The following LTBP1 variants were observed in gnomAD, a reference collection of about 807,000 sequenced individuals.
LTBP1 encodes latent-transforming growth factor beta-binding protein 1.
Under a neutral mutation model 207.6 loss-of-function variants are expected in LTBP1, and 129 were observed. The observed-to-expected ratio is 0.62, with a 90% CI of 0.54 to 0.72. The LOEUF (loss-of-function observed/expected upper bound fraction) is 0.72, where lower values mean the gene tolerates loss of function less well. Among genes scored for constraint, LTBP1 ranks in the 30% least tolerant of loss-of-function variants. LTBP1 has a pLI of 0.00. For missense variants in LTBP1, 2,281 were observed against 2,217.2 expected (o/e 1.03, Z -0.58); for synonymous variants, 963 against 833.7 (o/e 1.16, Z -2.67).
intron 3 of LTBP1, among the ~76,000 whole-genome samples, chr2:33,065,013 A>G (rs995433707): frequency 1.3e-4 from 20 of 152,222 alleles, no homozygotes; most frequent in Admixed American, 2.6e-4. Flanking sequence ...TATTTTACCA[A>G]TCAGTATAAT....
chr2:33,154,618 T>C (rs1346857339), intron 5 of LTBP1, among the ~76,000 whole-genome samples: 1 of 152,230 alleles, frequency 6.6e-6, no homozygotes, highest in Non-Finnish European at 1.5e-5. Context: ...ACCTTTCTAC[T>C]TTTGCTGTTA....
intron 7 of LTBP1, among the ~76,000 whole-genome samples, chr2:33,216,385 G>A (rs926686609): frequency 1.3e-5 from 2 of 152,268 alleles, no homozygotes; most frequent in Middle Eastern, 3.4e-3. Context: ...TTGGAAGGAC[G>A]TGATTTGTTC....
At chr2:33,103,667 T>G (rs1270641001) in intron 3 of LTBP1, among the ~76,000 whole-genome samples, 10 of 151,486 alleles carry the variant, frequency 6.6e-5, no homozygotes, top group Non-Finnish European at 1.5e-4. Flanking sequence ...AATGGTTTGC[T>G]TATTCTTTGC....
At chr2:33,122,294 C>T (rs1481073639) in intron 4 of LTBP1, among the ~76,000 whole-genome samples, 2 of 152,220 alleles carry the variant, frequency 1.3e-5, no homozygotes, top group Non-Finnish European at 2.9e-5. Flanking sequence ...ATTACCATTT[C>T]AGCAGGGCAG....
chr2:33,010,931 G>A (rs1213257184), intron 2 of LTBP1, among the ~76,000 whole-genome samples: 1 of 152,054 alleles, frequency 6.6e-6, no homozygotes, highest in Non-Finnish European at 1.5e-5. Context: ...TGTTGGCCAG[G>A]ATGGTCTCGA....
In LTBP1 at chr2:33,068,816, A is replaced by G. The variant is rs922889406; in HGVS notation, c.864-41766A>G. Reference sequence around the variant, plus strand: ...ATGTTTTGAATTTTGTCAATGAAAAATGTGTGTGAAATTGTTTTCTCTCAT... The same window carrying G: ...ATGTTTTGAATTTTGTCAATGAAAAGTGTGTGTGAAATTGTTTTCTCTCAT... On this transcript the variant is annotated intron_variant, in intron 3 of 33. Coordinates refer to ENST00000404816, the MANE Select transcript of LTBP1 (RefSeq NM_206943.4). Among the ~76,000 whole-genome samples, 6 of 152,286 alleles carry G rather than the reference A, an allele frequency of 3.9e-5. No individual in the cohort carries two copies. The East Asian group carries it at 9.6e-4, about 24-fold the overall frequency.
At chr2:33,365,690 C>T (rs1333627405) in intron 31 of LTBP1, among the ~76,000 whole-genome samples, 187 bp downstream of exon 31, 1 of 151,586 alleles carries the variant, frequency 6.6e-6, no homozygotes, top group Non-Finnish European at 1.5e-5. Context: ...TGGTTTACCT[C>T]TACTCCCGAC....
At chr2:33,283,101 TA>T (rs902499548) in intron 19 of LTBP1, among the ~76,000 whole-genome samples, 2 of 120,080 alleles carry the variant, frequency 1.7e-5, no homozygotes, top group Non-Finnish European at 3.6e-5. Flanking sequence ...GTGAATAAAA[TA>T]AAGTTTTTCT....
At chr2:33,180,716 A>G (rs1339759175) in intron 5 of LTBP1, among the ~76,000 whole-genome samples, 2 of 152,104 alleles carry the variant, frequency 1.3e-5, no homozygotes, top group African/African-American at 2.4e-5. Context: ...TGGGCCTCCC[A>G]AAGTGCTGGG....
intron 2 of LTBP1, among the ~76,000 whole-genome samples, chr2:33,006,217 C>G (rs1686843766): frequency 6.6e-6 from 1 of 152,222 alleles, no homozygotes; most frequent in Middle Eastern, 3.4e-3. Context: ...GCCACTGCAC[C>G]TGGCCTGCTC....
At chr2:33,182,741 T>C (rs4456682) in intron 5 of LTBP1, among the ~76,000 whole-genome samples, 729 of 43,358 alleles carry the variant, frequency 0.017, 94 homozygotes, top group African/African-American at 0.058. Context: ...CACACAGACA[T>C]ATATATGTAT....
chr2:33,120,773 C>T (rs1192311842), intron 4 of LTBP1, among the ~76,000 whole-genome samples: 1 of 152,134 alleles, frequency 6.6e-6, no homozygotes, highest in East Asian at 1.9e-4. Context: ...TGCCAAACTG[C>T]TTTCCACAAT....
At chr2:33,322,749 T>C (rs1236443400) in intron 24 of LTBP1, among the ~76,000 whole-genome samples, 1 of 152,202 alleles carries the variant, frequency 6.6e-6, no homozygotes, top group Non-Finnish European at 1.5e-5. Flanking sequence ...GAATGAGAAG[T>C]ATAGTACAAG....
chr2:33,149,033 T>G (rs2083282925), intron 5 of LTBP1, among the ~76,000 whole-genome samples: 1 of 151,810 alleles, frequency 6.6e-6, no homozygotes, highest in East Asian at 1.9e-4. Flanking sequence ...GCTAACACAG[T>G]GAAACCCCGT....
At chr2:33,316,821 C>T (rs2094280394) in intron 24 of LTBP1, among the ~76,000 whole-genome samples, 1 of 152,176 alleles carries the variant, frequency 6.6e-6, no homozygotes, top group South Asian at 2.1e-4. Context: ...ATCCGAGTCA[C>T]TGAGGAAACA....
In LTBP1 at chr2:33,349,820, C is replaced by T. The variant is rs536969930; in HGVS notation, c.4000+2310C>T. On this transcript the variant is annotated intron_variant, in intron 26 of 33. Coordinates refer to ENST00000404816, the MANE Select transcript of LTBP1 (RefSeq NM_206943.4). ...AATATTTAATTAAATTATGTAAGTACAGTAATCAATACACTGACACAGAAT... is the reference window on the plus strand; with the variant it reads ...AATATTTAATTAAATTATGTAAGTATAGTAATCAATACACTGACACAGAAT... Among the ~76,000 whole-genome samples the T allele has an allele frequency of 3.3e-5, 5 of 152,132 alleles. No homozygotes were observed. In the South Asian group the frequency reaches 1.0e-3, roughly 32 times the overall value.
At chr2:33,005,583 A>T (rs967285721) in intron 2 of LTBP1, among the ~76,000 whole-genome samples, 1 of 149,260 alleles carries the variant, frequency 6.7e-6, no homozygotes, top group Non-Finnish European at 1.5e-5. Context: ...GAGAGGGAAC[A>T]TAAGCTCTAC....
At chr2:33,045,983 G>A (rs2076421861) in intron 3 of LTBP1, among the ~76,000 whole-genome samples, 1 of 152,230 alleles carries the variant, frequency 6.6e-6, no homozygotes, top group Non-Finnish European at 1.5e-5. Context: ...AGAATTTGCT[G>A]AAGTTGCTTA....
chr2:33,385,189 G>C (rs1337754301), intron 31 of LTBP1, among the ~76,000 whole-genome samples: 1 of 152,166 alleles, frequency 6.6e-6, no homozygotes, highest in Non-Finnish European at 1.5e-5. Flanking sequence ...TTTGTGCCTT[G>C]TTTGAGAGGA....
Sources: gnomAD v4.1 joint callset for allele counts (sites outside exome capture counted in the v4.1 genomes callset) on GRCh38, gnomAD v4.1.1 for gene constraint, MANE v1.5 for transcripts, NCBI Gene and HGNC (gene_info 2026-07-23, HGNC 2026-07-21) for gene names.